Variants in GNB4 observed in about 807,000 individuals in gnomAD.
GNB4 encodes guanine nucleotide-binding protein subunit beta-4.
GNB4 carries 28 observed loss-of-function variants against 45.2 expected under a neutral mutation model. The ratio of observed to expected loss-of-function variants is 0.62; its 90% CI spans 0.46 to 0.85. GNB4 has a LOEUF of 0.85. Among genes scored for constraint, GNB4 ranks in the 40% least tolerant of loss-of-function variants. The pLI, the probability that GNB4 is intolerant of heterozygous loss-of-function variation, is 0.00. For missense variants in GNB4, 321 were observed against 425.4 expected (o/e 0.75, Z 2.16); for synonymous variants, 132 against 143.7 (o/e 0.92, Z 0.58).
At chr3:179,459,957 A>G in the GNB4 span, among the ~76,000 whole-genome samples, 2 of 152,310 alleles carry the variant, frequency 1.3e-5, no homozygotes, top group Middle Eastern at 3.4e-3. Flanking sequence ...AATTCATTCA[A>G]TCTGGAAACA....
At chr3:179,440,700 G>A (rs1559981393) in intron 1 of GNB4, among the ~76,000 whole-genome samples, 1 of 152,072 alleles carries the variant, frequency 6.6e-6, no homozygotes, top group Non-Finnish European at 1.5e-5. Flanking sequence ...TGTCATCAAT[G>A]CAGAATCTAA....
At chr3:179,487,563 C>T in the GNB4 span, among the ~76,000 whole-genome samples, 1 of 152,134 alleles carries the variant, frequency 6.6e-6, no homozygotes, top group Non-Finnish European at 1.5e-5. Context: ...GATCATAAGA[C>T]TGACAAAACA....
At chr3:179,446,350 TGAGA>T (rs969179530) in intron 1 of GNB4, among the ~76,000 whole-genome samples, 1 of 152,210 alleles carries the variant, frequency 6.6e-6, no homozygotes, top group African/African-American at 2.4e-5. Flanking sequence ...TTACTACAGT[TGAGA>T]GAAAGAGGTC....
the GNB4 span, among the ~76,000 whole-genome samples, chr3:179,470,856 T>C: frequency 6.6e-6 from 1 of 152,132 alleles, no homozygotes; most frequent in Non-Finnish European, 1.5e-5. Context: ...TCAAAAAGTT[T>C]AAAAATAATT....
chr3:179,404,726 GAC>G (rs1454997587), intron 9 of GNB4, among the ~76,000 whole-genome samples: 1 of 152,118 alleles, frequency 6.6e-6, no homozygotes, highest in Non-Finnish European at 1.5e-5. Flanking sequence ...TGTTATTAAT[GAC>G]AGTCCCCAGT....
upstream of GNB4, among the ~76,000 whole-genome samples, chr3:179,455,894 G>A (rs2108629419): frequency 6.6e-6 from 1 of 152,268 alleles, no homozygotes; most frequent in East Asian, 1.9e-4. Flanking sequence ...AGGTGTGTGG[G>A]CAGAAACTTC....
At chr3:179,402,038 ATTCTT>A (rs1714319455) in intron 9 of GNB4, among the ~76,000 whole-genome samples, 1 of 152,192 alleles carries the variant, frequency 6.6e-6, no homozygotes, top group African/African-American at 2.4e-5. Context: ...CTCTCTCTCT[ATTCTT>A]AAGCATATCA....
the GNB4 span, among the ~76,000 whole-genome samples, chr3:179,509,812 T>C: frequency 6.6e-6 from 1 of 152,044 alleles, no homozygotes; most frequent in Non-Finnish European, 1.5e-5. Flanking sequence ...ACATTTCACA[T>C]ACAAATACAG....
the GNB4 span, among the ~76,000 whole-genome samples, chr3:179,473,403 A>C: frequency 6.6e-6 from 1 of 152,040 alleles, no homozygotes; most frequent in East Asian, 1.9e-4. Context: ...GCAACTTTTA[A>C]TTATGAATTA....
intron 1 of GNB4, among the ~76,000 whole-genome samples, chr3:179,434,723 T>TAA (rs879820800): frequency 1.5e-5 from 2 of 135,696 alleles, no homozygotes; most frequent in Non-Finnish European, 1.6e-5. Context: ...TCTGTCTCAT[T>TAA]AAAAAAAAAA....
chr3:179,476,677 G>T, the GNB4 span, among the ~76,000 whole-genome samples: 1 of 152,184 alleles, frequency 6.6e-6, no homozygotes, highest in African/African-American at 2.4e-5. Flanking sequence ...AACATAGGTG[G>T]AGAAAGCCAT....
chr3:179,438,279 T>C (rs911253488), intron 1 of GNB4, among the ~76,000 whole-genome samples: 15 of 152,210 alleles, frequency 9.9e-5, no homozygotes, highest in African/African-American at 3.4e-4. Flanking sequence ...ACTTTACACA[T>C]GGAGGTTATG....
Position 179,398,956 on chromosome 3 carries a change from C to T in GNB4, c.*2257G>A, listed in dbSNP as rs1714202957. On this transcript the variant is annotated 3_prime_UTR_variant, in exon 10 of 10. Coordinates refer to ENST00000232564, the MANE Select transcript of GNB4 (RefSeq NM_021629.4). ...TAAAATATGTTAAGACCATAGAATT[C>T]CTGTGGTCTGTATGCCTGTGACTAC... 1 of 152,056 alleles carries T rather than the reference C, an allele frequency of 6.6e-6. No homozygotes were observed. The highest frequency in any genetic ancestry group is 1.5e-5 in the Non-Finnish European group (1 of 68,020). 9.4% of individuals were successfully genotyped at this position (152,056 alleles called of 1,614,324 possible).
At chr3:179,525,516 C>T in the GNB4 span, among the ~76,000 whole-genome samples, 1 of 150,478 alleles carries the variant, frequency 6.6e-6, no homozygotes, top group Non-Finnish European at 1.5e-5. Context: ...GCAGCCAAAG[C>T]AGGCAACCCC....
At chr3:179,443,247 A>G (rs906514588) in intron 1 of GNB4, among the ~76,000 whole-genome samples, 7 of 152,164 alleles carry the variant, frequency 4.6e-5, no homozygotes, top group African/African-American at 1.7e-4. Context: ...ATAAAAGTAA[A>G]ATATCTTATG....
rs960076945 is a variant in GNB4 at position 179,397,195 on chromosome 3, G to A, written c.*4018C>T. 1.3e-5 allele frequency: 2 copies of A among 152,154 alleles called. No homozygotes were observed. The highest frequency in any genetic ancestry group is 2.9e-5 in the Non-Finnish European group (2 of 68,016). 9.4% of individuals were successfully genotyped at this position (152,154 alleles called of 1,614,324 possible). A position where few individuals can be genotyped will look rare whatever the true frequency, so the allele number is the denominator to read the frequency against. ...TTTTCCTAAGTTAAACCAAGAATAA[G>A]CCACAAGTATTCAATTGTGTTACAA... On this transcript the variant is annotated 3_prime_UTR_variant, in exon 10 of 10. Coordinates refer to ENST00000232564, the MANE Select transcript of GNB4 (RefSeq NM_021629.4).
intron 1 of GNB4, among the ~76,000 whole-genome samples, chr3:179,440,078 C>T (rs1456736331): frequency 1.3e-5 from 2 of 152,144 alleles, no homozygotes; most frequent in African/African-American, 4.8e-5. Flanking sequence ...ATATAAATTG[C>T]AATTTTCTCA....
At chr3:179,402,507 CCTGGAAAAAA>C (rs1201046499) in intron 9 of GNB4, among the ~76,000 whole-genome samples, 16 of 152,126 alleles carry the variant, frequency 1.1e-4, no homozygotes. Context: ...GAAAATTATT[CCTGGAAAAAA>C]CTTACACTGC....
rs200696108 is a variant in GNB4, at chr3:179,416,517, A to G, written c.243T>C (p.Ile81=). 8.0e-5 allele frequency: 127 copies of G among 1,594,112 alleles called. 2 individuals are homozygous for G. In the African/African-American group the frequency reaches 1.5e-3, roughly 18 times the overall value. ...CCTTATTTGTTGTATAGCTATCCCA[A>G]ATAATTAATTTTCCATCTTGAGAAG... ...VSASQDGKLI[I]WDSYTTNKMH... Residue 81 remains isoleucine, a synonymous_variant, in exon 5 of 10, where the codon ATT becomes ATC. Coordinates refer to ENST00000232564, the MANE Select transcript of GNB4 (RefSeq NM_021629.4).
Sources: gnomAD v4.1 joint callset for allele counts (sites outside exome capture counted in the v4.1 genomes callset) on GRCh38, gnomAD v4.1.1 for gene constraint, MANE v1.5 for transcripts, NCBI Gene and HGNC (gene_info 2026-07-23, HGNC 2026-07-21) for gene names.